Variants in GABRA4 observed in about 807,000 individuals in gnomAD.
The protein encoded by GABRA4 is gamma-aminobutyric acid receptor subunit alpha-4.
GABRA4 carries 12 observed loss-of-function variants against 49.7 expected under a neutral mutation model. That is an observed-to-expected ratio of 0.24 (90% CI 0.15 to 0.39). GABRA4 has a LOEUF of 0.39. Among genes scored for constraint, GABRA4 ranks in the 10% least tolerant of loss-of-function variants. The pLI, the probability that GABRA4 is intolerant of heterozygous loss-of-function variation, is 1.00. For missense variants in GABRA4, 506 were observed against 686.0 expected (o/e 0.74, Z 2.93); for synonymous variants, 288 against 240.2 (o/e 1.20, Z -1.84).
rs922348701 is a variant in GABRA4 at position 46,922,760 on chromosome 4, C to A, written c.*5465G>T. 1 of 152,032 alleles carries A rather than the reference C, an allele frequency of 6.6e-6. No individual in the cohort carries two copies. The highest frequency in any genetic ancestry group is 1.5e-5 in the Non-Finnish European group (1 of 67,982). 9.4% of individuals were successfully genotyped at this position (152,032 alleles called of 1,614,324 possible). ...AAGTTACAAAATAGAATAATCACAA[C>A]TGAAAACTCACTAGGGTTATGGTTG... On this transcript the variant is annotated 3_prime_UTR_variant, in exon 9 of 9. Coordinates refer to ENST00000264318, the MANE Select transcript of GABRA4 (RefSeq NM_000809.4).
At chr4:46,975,928 T>G (rs1438066170) in intron 5 of GABRA4, among the ~76,000 whole-genome samples, 1 of 151,958 alleles carries the variant, frequency 6.6e-6, no homozygotes, top group Non-Finnish European at 1.5e-5. Context: ...AATATTGTGA[T>G]TACTAGGGGT....
In GABRA4 at chr4:46,928,770, G is replaced by GA. The variant is rs775938077; in HGVS notation, c.1135-16dup. On this transcript the variant is annotated splice_polypyrimidine_tract_variant and intron_variant, in intron 8 of 8. Transcript: ENST00000264318. Reference sequence around the variant, plus strand: ...GCATTTGTATTCTGAAAAGGTATATGAAAAAATATATTGGTTATGTAACTT... The same window carrying GA: ...GCATTTGTATTCTGAAAAGGTATATGAAAAAAATATATTGGTTATGTAACTT... The GA allele has an allele frequency of 7.1e-6, 11 of 1,551,320 alleles. No individual in the cohort carries two copies. The highest frequency in any genetic ancestry group is 4.1e-5 in the African/African-American group (3 of 72,956).
At position 46,993,255 on chromosome 4, in the gene GABRA4, G is replaced by A. The variant is rs560901500; in HGVS notation, c.86+84C>T. ...GATAAGAAGACCTAGTCCACCCAGG[G>A]AGGAGCGAGTGGCCAAAGGGGTCCC... On this transcript the variant is annotated intron_variant, in intron 1 of 8. Coordinates refer to ENST00000264318, the MANE Select transcript of GABRA4 (RefSeq NM_000809.4). The A allele has an allele frequency of 1.0e-4, 117 of 1,152,458 alleles. No individual in the cohort carries two copies. In the East Asian group the frequency reaches 2.3e-3, roughly 23 times the overall value. 71.4% of individuals were successfully genotyped at this position (1,152,458 alleles called of 1,614,324 possible).
At chr4:46,946,864 A>C (rs916919290) in intron 8 of GABRA4, among the ~76,000 whole-genome samples, 6 of 152,130 alleles carry the variant, frequency 3.9e-5, no homozygotes, top group African/African-American at 1.4e-4. Flanking sequence ...CAGATTCAAA[A>C]ATAATTGGAT....
At chr4:46,963,006 T>C (rs919291260) in intron 8 of GABRA4, among the ~76,000 whole-genome samples, 6 of 151,788 alleles carry the variant, frequency 4.0e-5, no homozygotes, top group East Asian at 1.9e-4. Flanking sequence ...CAAGAAAACA[T>C]TGAGGGAAAT....
chr4:46,943,719 T>G (rs1286198616), intron 8 of GABRA4, among the ~76,000 whole-genome samples: 1 of 152,154 alleles, frequency 6.6e-6, no homozygotes, highest in African/African-American at 2.4e-5. Flanking sequence ...CCCAGGAGGT[T>G]ACTCCACATA....
chr4:46,987,590 C>G (rs1396428052), intron 2 of GABRA4, among the ~76,000 whole-genome samples: 1 of 152,006 alleles, frequency 6.6e-6, no homozygotes, highest in Non-Finnish European at 1.5e-5. Context: ...TTACTTCTCT[C>G]TCTTTTTTTT....
chr4:46,927,527 A>G lies in GABRA4; in HGVS notation c.*698T>C, dbSNP rs1304826677. ...AGTAGGCTCTGAATAACTATGTAGTAAATAAACACATAACTGAATGAACTA... is the reference window on the plus strand; with the variant it reads ...AGTAGGCTCTGAATAACTATGTAGTGAATAAACACATAACTGAATGAACTA... On this transcript the variant is annotated 3_prime_UTR_variant, in exon 9 of 9. Coordinates refer to ENST00000264318, the MANE Select transcript of GABRA4 (RefSeq NM_000809.4). 1 of 152,520 alleles carries G rather than the reference A, an allele frequency of 6.6e-6. No individual in the cohort carries two copies. The highest frequency in any genetic ancestry group is 1.5e-5 in the Non-Finnish European group (1 of 67,998). The allele number at this position is 152,520 out of a possible 1,614,324, so 9.4% of individuals were successfully genotyped here.
chr4:46,982,869 G>A (rs1303795441), intron 2 of GABRA4, among the ~76,000 whole-genome samples: 1 of 152,108 alleles, frequency 6.6e-6, no homozygotes, highest in East Asian at 1.9e-4. Flanking sequence ...GCTTGGACTA[G>A]GGATGTGGCA....
chr4:46,940,697 G>A (rs1721759546), intron 8 of GABRA4, among the ~76,000 whole-genome samples: 1 of 151,950 alleles, frequency 6.6e-6, no homozygotes, highest in South Asian at 2.1e-4. Context: ...GACACCGATT[G>A]GTAGCACTTA....
Position 46,977,430 on chromosome 4 carries a change from A to G in GABRA4, c.474T>C (p.Gly158=), listed in dbSNP as rs945203144. The G allele has an allele frequency of 3.8e-6, 6 of 1,576,494 alleles. No homozygotes were observed. Among genetic ancestry groups the G allele is most frequent in the Admixed American group, 1.7e-5 (1 of 59,580 alleles). ...ATTACCTCATTGTGTATAAAATAGTACCATTTCTCATAATTCTAAAAAGCT... is the reference window on the plus strand; with the variant it reads ...ATTACCTCATTGTGTATAAAATAGTGCCATTTCTCATAATTCTAAAAAGCT... The part of the protein sequence containing the change: ...PNKLFRIMRN[G]TILYTMRLTI... Residue 158 remains glycine (G), a synonymous_variant, in exon 4 of 9, where the codon GGT becomes GGC. Transcript: ENST00000264318.
At chr4:46,964,388 T>A (rs899386741) in intron 8 of GABRA4, among the ~76,000 whole-genome samples, 1 of 151,866 alleles carries the variant, frequency 6.6e-6, no homozygotes, top group Non-Finnish European at 1.5e-5. Flanking sequence ...AACTTAATTT[T>A]ACATTTTGAA....
chr4:46,928,390 T>C lies in GABRA4; in HGVS notation c.1500A>G (p.Ser500=). ...GTGGAGCCGATGGAGGAGGAGTAGC[T>C]GACAACTTCCCAGTAGCCCCTATGG... ...VNTIGATGKL[S]ATPPPSAPPP... Residue 500 remains serine, a synonymous_variant, in exon 9 of 9, where the codon TCA becomes TCG. Coordinates refer to ENST00000264318, the MANE Select transcript of GABRA4 (RefSeq NM_000809.4). 6.2e-7 allele frequency: 1 copy of C among 1,613,674 alleles called. No individual in the cohort carries two copies.
At position 46,919,689 on chromosome 4, in the gene GABRA4, A is replaced by G. The variant is rs1720903460; in HGVS notation, c.*8536T>C. The G allele has an allele frequency of 6.6e-6, 1 of 151,686 alleles. No homozygotes were observed. 9.4% of individuals were successfully genotyped at this position (151,686 alleles called of 1,614,324 possible). ...GAGAAGAAAGAAGGGAATGGACTTCATATTCCTCAGTTTGTACAACACTTC... is the reference window on the plus strand; with the variant it reads ...GAGAAGAAAGAAGGGAATGGACTTCGTATTCCTCAGTTTGTACAACACTTC... On this transcript the variant is annotated 3_prime_UTR_variant, in exon 9 of 9. Transcript: ENST00000264318.
At chr4:46,947,756 A>T (rs937188422) in intron 8 of GABRA4, among the ~76,000 whole-genome samples, 1 of 152,090 alleles carries the variant, frequency 6.6e-6, no homozygotes, top group African/African-American at 2.4e-5. Context: ...GTTGTATGTG[A>T]CTTAAAAGCA....
Position 46,977,393 on chromosome 4 carries a change from G to A in GABRA4, c.494+17C>T, listed in dbSNP as rs1723182393. ...AAAGAATAAAAAAGGAAGGGAAGAA[G>A]TAAAAAAAAATATTACCTCATTGTG... On this transcript the variant is annotated intron_variant, in intron 4 of 8. Transcript: ENST00000264318. 2 of 1,331,746 alleles carry A rather than the reference G, an allele frequency of 1.5e-6. No individual in the cohort carries two copies. The highest frequency in any genetic ancestry group is 1.3e-5 in the South Asian group (1 of 76,142). The allele number at this position is 1,331,746 out of a possible 1,614,324, so 82.5% of individuals were successfully genotyped here.
chr4:46,935,957 G>A (rs1025565048), intron 8 of GABRA4, among the ~76,000 whole-genome samples: 8 of 152,116 alleles, frequency 5.3e-5, no homozygotes, highest in Non-Finnish European at 7.4e-5. Context: ...GTATGGGTGC[G>A]AATTAACACT....
At position 46,924,099 on chromosome 4, in the gene GABRA4, G is replaced by C. The variant is rs1577735578; in HGVS notation, c.*4126C>G. The C allele has an allele frequency of 6.6e-6, 1 of 152,124 alleles. No homozygotes were observed. Among genetic ancestry groups the C allele is most frequent in the East Asian group, 1.9e-4 (1 of 5,172 alleles). 9.4% of individuals were successfully genotyped at this position (152,124 alleles called of 1,614,324 possible). A position where few individuals can be genotyped will look rare whatever the true frequency, so the allele number is the denominator to read the frequency against. ...TGAAACCTTCTCTGCTATCACTCTT[G>C]TTCCTCTCCTTCAACAATGTAATTA... On this transcript the variant is annotated 3_prime_UTR_variant, in exon 9 of 9. Transcript: ENST00000264318.
chr4:46,990,554 G>T (rs966668178), intron 2 of GABRA4, among the ~76,000 whole-genome samples: 1 of 151,852 alleles, frequency 6.6e-6, no homozygotes, highest in Non-Finnish European at 1.5e-5. Context: ...TTTATGTTTT[G>T]GTATATCAAT....
Sources: gnomAD v4.1 joint callset for allele counts (sites outside exome capture counted in the v4.1 genomes callset) on GRCh38, gnomAD v4.1.1 for gene constraint, MANE v1.5 for transcripts, NCBI Gene and HGNC (gene_info 2026-07-23, HGNC 2026-07-21) for gene names.